The following HDAC2 variants were observed in gnomAD, a reference collection of about 807,000 sequenced individuals.
The protein encoded by HDAC2 is YY1-associated factor 1.
HDAC2 carries 5 observed loss-of-function variants against 68.5 expected under a neutral mutation model. The observed-to-expected ratio is 0.07, with a 90% confidence interval of 0.04 to 0.15. The LOEUF is 0.15. Ranked by LOEUF, HDAC2 falls within the 10% of genes least tolerant of loss-of-function variation. The probability of loss-of-function intolerance (pLI) is 1.00; values close to 1 mark genes in which losing one functional copy is unlikely to be tolerated. For missense variants in HDAC2, 291 were observed against 600.8 expected (o/e 0.48, Z 5.39); for synonymous variants, 182 against 191.3 (o/e 0.95, Z 0.40).
intron 6 of HDAC2, among the ~76,000 whole-genome samples, chr6:113,950,574 T>TTA (rs2114599949): frequency 6.6e-6 from 1 of 151,894 alleles, no homozygotes; most frequent in South Asian, 2.1e-4. Flanking sequence ...TTTTGCATTT[T>TTA]AAGTAGAGAC....
At position 113,945,345 on chromosome 6, in the gene HDAC2, AT is replaced by A; in HGVS notation, c.1091+16del. 8.8e-7 allele frequency: 1 copy of A among 1,134,858 alleles called. No individual in the cohort carries two copies. The highest frequency in any genetic ancestry group is 1.3e-6 in the Non-Finnish European group (1 of 750,334). The allele number at this position is 1,134,858 out of a possible 1,614,324, so 70.3% of individuals were successfully genotyped here. On this transcript the variant is annotated intron_variant, in intron 10 of 13. Coordinates refer to ENST00000519065, the MANE Select transcript of HDAC2 (RefSeq NM_001527.4). ...TCAAGATAAAATGTTTATCAAAACA[AT>A]TCAATGATTTCTTACTTTATCTTTT...
At position 113,960,145 on chromosome 6, in the gene HDAC2, CTT is replaced by C. The variant is rs796951212; in HGVS notation, c.53-129_53-128del. 1.2e-4 allele frequency: 79 copies of C among 653,690 alleles called. No homozygotes were observed. In the African/African-American group the frequency reaches 1.3e-3, roughly 11 times the overall value. The allele number at this position is 653,690 out of a possible 1,614,324, so 40.5% of individuals were successfully genotyped here. ...CAAAATTTATTTAAAACCTTAGCAA[CTT>C]AGATTTATTTTGCAACTTTCAAACT... On this transcript the variant is annotated intron_variant, in intron 1 of 13. Coordinates refer to ENST00000519065, the MANE Select transcript of HDAC2 (RefSeq NM_001527.4).
At position 113,970,978 on chromosome 6, in the gene HDAC2, G is replaced by A. The variant is rs755409021; in HGVS notation, c.-70C>T. On this transcript the variant is annotated 5_prime_UTR_variant, in exon 1 of 14. Transcript: ENST00000519065. ...TGCTGCTGCTGCTGCTGCCGCCGCG[G>A]CTCGGCCGGGAGAGAAAAGGGCTGA... The A allele has an allele frequency of 1.4e-5, 22 of 1,568,242 alleles. No homozygotes were observed. The highest frequency in any genetic ancestry group is 1.7e-4 in the Middle Eastern group (1 of 6,026).
chr6:113,970,880 T>A lies in HDAC2; in HGVS notation c.29A>T (p.Lys10Ile). 6.5e-7 allele frequency: 1 copy of A among 1,545,720 alleles called. No individual in the cohort carries two copies. The highest frequency in any genetic ancestry group is 8.7e-7 in the Non-Finnish European group (1 of 1,146,402). ...ACCGTCGTAGTAGTAGCAGACTTTTTTTTTGCCGCCTCCTTGACTGTACGC... is the reference window on the plus strand; with the variant it reads ...ACCGTCGTAGTAGTAGCAGACTTTTATTTTGCCGCCTCCTTGACTGTACGC... MAYSQGGGK[K>I]KVCYYYDGDI... Residue 10 changes from lysine (K) to isoleucine (I), a missense_variant, in exon 1 of 14, where the codon AAA becomes ATA. Coordinates refer to ENST00000519065, the MANE Select transcript of HDAC2 (RefSeq NM_001527.4).
rs1176034107 is a variant in HDAC2, at chr6:113,937,492, C to G, written c.*3566G>C. 1 of 152,186 alleles carries G rather than the reference C, an allele frequency of 6.6e-6. No individual in the cohort carries two copies. The highest frequency in any genetic ancestry group is 1.5e-5 in the Non-Finnish European group (1 of 68,032). The allele number at this position is 152,186 out of a possible 1,614,324, so 9.4% of individuals were successfully genotyped here. Reference sequence around the variant, plus strand: ...CACCTTCATTAAATGAATTAAAGAGCTTTACTTGAGTTAATATCTTAGTTT... The same window carrying G: ...CACCTTCATTAAATGAATTAAAGAGGTTTACTTGAGTTAATATCTTAGTTT... On this transcript the variant is annotated 3_prime_UTR_variant, in exon 14 of 14. Transcript: ENST00000519065.
intron 1 of HDAC2, chr6:113,962,330 T>C (rs1463565531): frequency 1.8e-5 from 14 of 786,496 alleles, no homozygotes; most frequent in Non-Finnish European, 2.2e-5. Flanking sequence ...GCTAATGTTC[T>C]TAAGTAATAA....
At chr6:113,942,086 GA>G (rs1488149383) in intron 12 of HDAC2, among the ~76,000 whole-genome samples, 12 of 151,972 alleles carry the variant, frequency 7.9e-5, no homozygotes, top group African/African-American at 2.2e-4. Flanking sequence ...AGGCCCTATC[GA>G]AAGAGCCTCA....
In HDAC2 at chr6:113,936,494, T is replaced by C. The variant is rs1776000576; in HGVS notation, c.*4564A>G. 6.6e-6 allele frequency: 1 copy of C among 152,150 alleles called. No individual in the cohort carries two copies. Among genetic ancestry groups the C allele is most frequent in the African/African-American group, 2.4e-5 (1 of 41,422 alleles). 9.4% of individuals were successfully genotyped at this position (152,150 alleles called of 1,614,324 possible). On this transcript the variant is annotated 3_prime_UTR_variant, in exon 14 of 14. Transcript: ENST00000519065. The stretch of plus-strand genomic sequence containing the variant: ...CAGAGGCATCAAGATCCCCCCAAAG[T>C]TGTCAAATATTATTCGTATCCTTGC...
At chr6:113,955,691 T>C (rs1776536417) in intron 5 of HDAC2, among the ~76,000 whole-genome samples, 1 of 152,090 alleles carries the variant, frequency 6.6e-6, no homozygotes, top group Non-Finnish European at 1.5e-5. Flanking sequence ...ATTTTTTTTC[T>C]GTAGAGATGG....
At chr6:113,963,729 C>T (rs1191927076) in intron 1 of HDAC2, among the ~76,000 whole-genome samples, 1 of 152,048 alleles carries the variant, frequency 6.6e-6, no homozygotes, top group Non-Finnish European at 1.5e-5. Context: ...GATATTCAAC[C>T]TGTACATAAA....
At chr6:113,949,380 C>T (rs1005802253) in intron 6 of HDAC2, 120 bp from the exon 7 acceptor site, 6 of 656,116 alleles carry the variant, frequency 9.1e-6, no homozygotes, top group Non-Finnish European at 1.6e-5. Flanking sequence ...TTGAATTCAT[C>T]TTAGAAGTTG....
intron 2 of HDAC2, among the ~76,000 whole-genome samples, chr6:113,959,458 T>C (rs923024372): frequency 2.0e-5 from 3 of 152,052 alleles, no homozygotes; most frequent in Non-Finnish European, 4.4e-5. Flanking sequence ...ATCTGTACTA[T>C]GCTTGGCCAC....
chr6:113,954,014 G>A lies in HDAC2; in HGVS notation c.498-596C>T, dbSNP rs780431221. ...ATGGCTTCATTTGAACTGCAGAATCGATTAGCTGTGACAGAGGCTACATGT... is the reference window on the plus strand; with the variant it reads ...ATGGCTTCATTTGAACTGCAGAATCAATTAGCTGTGACAGAGGCTACATGT... On this transcript the variant is annotated intron_variant, in intron 5 of 13. Coordinates refer to ENST00000519065, the MANE Select transcript of HDAC2 (RefSeq NM_001527.4). Among the ~76,000 whole-genome samples, 7 of 152,308 alleles carry A rather than the reference G, an allele frequency of 4.6e-5. No homozygotes were observed. The South Asian group carries it at 1.2e-3, about 27-fold the overall frequency.
chr6:113,957,632 G>A (rs547594186), intron 3 of HDAC2, among the ~76,000 whole-genome samples: 33 of 151,874 alleles, frequency 2.2e-4, no homozygotes, highest in Non-Finnish European at 4.4e-4. Context: ...TTACAGGCGC[G>A]CACCACCACA....
rs1366503169 is a variant in HDAC2, at chr6:113,957,669, A to C, written c.284-976T>G. Among the ~76,000 whole-genome samples the C allele has an allele frequency of 2.0e-5, 3 of 151,942 alleles. No homozygotes were observed. In the East Asian group the frequency reaches 5.8e-4, roughly 29 times the overall value. Reference sequence around the variant, plus strand: ...CCAGCTAATTTTCTGTACTTTTTTAATAGAGACAGGGTTTTGCCATGTTGG... The same window carrying C: ...CCAGCTAATTTTCTGTACTTTTTTACTAGAGACAGGGTTTTGCCATGTTGG... On this transcript the variant is annotated intron_variant, in intron 3 of 13. Transcript: ENST00000519065.
At position 113,940,048 on chromosome 6, in the gene HDAC2, T is replaced by C. The variant is rs796155672; in HGVS notation, c.*1010A>G. ...AATGTTTTGTCTTCTTTGCACATCT[T>C]AGTAGCAGGAGTTACCCCCATTTGT... On this transcript the variant is annotated 3_prime_UTR_variant, in exon 14 of 14. Coordinates refer to ENST00000519065, the MANE Select transcript of HDAC2 (RefSeq NM_001527.4). The C allele has an allele frequency of 1.1e-4, 17 of 152,346 alleles. No individual in the cohort carries two copies. Among genetic ancestry groups the C allele is most frequent in the African/African-American group, 4.1e-4 (17 of 41,576 alleles). The allele number at this position is 152,346 out of a possible 1,614,324, so 9.4% of individuals were successfully genotyped here. A position where few individuals can be genotyped will look rare whatever the true frequency, so the allele number is the denominator to read the frequency against.
chr6:113,970,553 C>G (rs1776966556), intron 1 of HDAC2: 20 of 1,223,822 alleles, frequency 1.6e-5, no homozygotes, highest in Non-Finnish European at 1.9e-5. Flanking sequence ...ACCACCAAGG[C>G]GGGGTAGGCC....
Position 113,948,864 on chromosome 6 carries a change from C to A in HDAC2, c.841+115G>T, listed in dbSNP as rs746553193. On this transcript the variant is annotated intron_variant, in intron 8 of 13. Transcript: ENST00000519065. ...AACAGACAAAACCCCATGAAAAATG[C>A]AGAGTACAGTGTTAAAACAGCAGGC... 1.6e-5 allele frequency: 17 copies of A among 1,080,864 alleles called. No homozygotes were observed. In the African/African-American group the frequency reaches 2.5e-4, roughly 16 times the overall value. The allele number at this position is 1,080,864 out of a possible 1,614,324, so 67.0% of individuals were successfully genotyped here.
rs750919802 is a variant in HDAC2 at position 113,970,963 on chromosome 6, G to A, written c.-55C>T. 4.2e-5 allele frequency: 65 copies of A among 1,563,678 alleles called. No homozygotes were observed. Among genetic ancestry groups the A allele is most frequent in the Non-Finnish European group, 5.5e-5 (64 of 1,154,042 alleles). Reference sequence around the variant, plus strand: ...TCCTCCTCCTGCTGCTGCTGCTGCTGCTGCTGCCGCCGCGGCTCGGCCGGG... The same window carrying A: ...TCCTCCTCCTGCTGCTGCTGCTGCTACTGCTGCCGCCGCGGCTCGGCCGGG... On this transcript the variant is annotated 5_prime_UTR_variant, in exon 1 of 14. Transcript: ENST00000519065.
Sources: allele counts gnomAD v4.1 joint callset (sites outside exome capture counted in the v4.1 genomes callset), GRCh38; gene constraint gnomAD v4.1.1; transcripts MANE v1.5; gene names NCBI Gene and HGNC (gene_info 2026-07-23, HGNC 2026-07-21).